Variants in PROSER2 observed in about 807,000 individuals in gnomAD.
The protein encoded by PROSER2 is proline and serine rich 2, also known as proline and serine-rich protein 2.
Under a neutral mutation model 14.6 loss-of-function variants are expected in PROSER2, and 18 were observed. That is an observed-to-expected ratio of 1.23 (90% CI 0.85 to 1.83). The LOEUF is 1.83. PROSER2 is among the 40% of genes most tolerant of loss of function. PROSER2 has a pLI of 0.00. For synonymous variants in PROSER2, 367 were observed against 286.4 expected, an observed-to-expected ratio of 1.28 and a Z score of -2.84; for missense variants, 823 against 629.8, an observed-to-expected ratio of 1.31 and a Z score of -3.28.
rs1355834832 is a variant in PROSER2 at position 11,856,749 on chromosome 10, C to T, written c.138+4534C>T. 3.3e-5 allele frequency among the ~76,000 whole-genome samples: 5 copies of T among 152,238 alleles called. No individual in the cohort carries two copies. In the East Asian group the frequency reaches 7.7e-4, roughly 23 times the overall value. On this transcript the variant is annotated intron_variant, in intron 2 of 3. Transcript: ENST00000277570. The surrounding 1 kb of genome is among the most constrained non-coding windows in gnomAD (Gnocchi z 5.3). ...CACCCTGTTGCTCCAGAGCACTTGA[C>T]ACCTTTGGCCCCACACATGGCTCAT... is the stretch of plus-strand genomic sequence containing the variant.
chr10:11,840,022 A>G (rs962804252), intron 1 of PROSER2, among the ~76,000 whole-genome samples: 1 of 151,194 alleles, frequency 6.6e-6, no homozygotes, highest in African/African-American at 2.4e-5. Flanking sequence ...CCATGATCTC[A>G]GCTCACTGCA....
intron 2 of PROSER2, among the ~76,000 whole-genome samples, chr10:11,858,047 G>C (rs565976892): frequency 6.6e-6 from 1 of 152,120 alleles, no homozygotes; most frequent in Non-Finnish European, 1.5e-5. Flanking sequence ...CAATTCTCCT[G>C]CTTTAGCCTC....
intron 1 of PROSER2, among the ~76,000 whole-genome samples, chr10:11,848,905 C>T (rs929075007): frequency 6.6e-6 from 1 of 152,000 alleles, no homozygotes; most frequent in Non-Finnish European, 1.5e-5. Context: ...GTTTGTTTAA[C>T]AAGCCAGGTG....
In PROSER2 at chr10:11,852,160, G is replaced by A. The variant is rs1357401643; in HGVS notation, c.83G>A (p.Arg28Lys). 4 of 1,613,426 alleles carry A rather than the reference G, an allele frequency of 2.5e-6. No individual in the cohort carries two copies. In the East Asian group the frequency reaches 8.9e-5, roughly 36 times the overall value. ...SPSCRLRAFS[R>K]GGSLESRSSS... ...AGCTGCAGGCTCCGAGCCTTCAGCA[G>A]AGGCGGCAGCCTGGAGAGTCGAAGC... Residue 28 changes from arginine to lysine, a missense_variant, in exon 2 of 4, where the codon AGA (arginine) becomes AAA (lysine). By Grantham distance (26) the Arg-to-Lys change is conservative. Transcript: ENST00000277570.
chr10:11,851,797 A>T (rs561142930), intron 1 of PROSER2, 200 bp from the exon 2 acceptor site: 30 of 261,272 alleles, frequency 1.1e-4, no homozygotes, highest in Non-Finnish European at 2.9e-5. Flanking sequence ...AATTATTCTT[A>T]TGTGTTCAGA....
chr10:11,856,100 C>T lies in PROSER2; in HGVS notation c.138+3885C>T, dbSNP rs1004230388. ...GGGCAGCTTTGATGTGTGTGCAAGG[C>T]GGTGCTTCCTGACAACGTCGGGAGT... is the stretch of plus-strand genomic sequence containing the variant. On this transcript the variant is annotated intron_variant, in intron 2 of 3. Coordinates refer to ENST00000277570, the MANE Select transcript of PROSER2 (RefSeq NM_153256.4). The surrounding 1 kb of genome is among the most constrained non-coding windows in gnomAD (Gnocchi z 5.3). Among the ~76,000 whole-genome samples, 6 of 152,186 alleles carry T rather than the reference C, an allele frequency of 3.9e-5. No homozygotes were observed. The highest frequency in any genetic ancestry group is 5.9e-5 in the Non-Finnish European group (4 of 68,034).
chr10:11,833,573 C>T (rs1239178003), intron 1 of PROSER2, among the ~76,000 whole-genome samples: 1 of 151,820 alleles, frequency 6.6e-6, no homozygotes, highest in East Asian at 1.9e-4. Context: ...TGCCTGTAGT[C>T]CCAGTTACCC....
intron 2 of PROSER2, among the ~76,000 whole-genome samples, chr10:11,860,225 C>G (rs1315177488): frequency 6.6e-6 from 1 of 152,244 alleles, no homozygotes; most frequent in Non-Finnish European, 1.5e-5. Flanking sequence ...CCAGCACTCA[C>G]TCCAGCCCCA....
chr10:11,864,780 G>T (rs1834312747), intron 2 of PROSER2, among the ~76,000 whole-genome samples: 1 of 151,958 alleles, frequency 6.6e-6, no homozygotes, highest in African/African-American at 2.4e-5. Flanking sequence ...GTAGAGACAG[G>T]ATTTTACCAT....
At chr10:11,848,648 A>T (rs1833963031) in intron 1 of PROSER2, among the ~76,000 whole-genome samples, 1 of 151,930 alleles carries the variant, frequency 6.6e-6, no homozygotes, top group African/African-American at 2.4e-5. Flanking sequence ...GTGCCCCCCT[A>T]CCTGTCGGCA....
rs148321742 is a variant in PROSER2, at chr10:11,848,503, A to T, written c.-81-3494A>T. ...GTTCTTTCCCTTGCTTTTTAAGCCAAATGTGTGGTGTTCAGTTAGCCTCAC... is the reference window on the plus strand; with the variant it reads ...GTTCTTTCCCTTGCTTTTTAAGCCATATGTGTGGTGTTCAGTTAGCCTCAC... On this transcript the variant is annotated intron_variant, in intron 1 of 3. Transcript: ENST00000277570. Among the ~76,000 whole-genome samples, 281 of 152,178 alleles carry T rather than the reference A, an allele frequency of 1.8e-3. 1 individual carries two copies. Among genetic ancestry groups the T allele is most frequent in the African/African-American group, 6.6e-3 (273 of 41,528 alleles).
intron 1 of PROSER2, among the ~76,000 whole-genome samples, chr10:11,847,878 A>G (rs983861781): frequency 1.3e-5 from 2 of 152,244 alleles, no homozygotes; most frequent in Admixed American, 6.5e-5. Flanking sequence ...CAGTTTTCAC[A>G]TCTTCATCGT....
rs1298023782 is a variant in PROSER2, at chr10:11,823,630, G to A, written c.-82+160G>A. On this transcript the variant is annotated intron_variant, in intron 1 of 3. Transcript: ENST00000277570. This position sits in a 1 kb window ranked among gnomAD's most constrained non-coding sequence, Gnocchi z 6.2. ...CTCCTCGCTCTGACTAGGGGAGCCC[G>A]GCGCCGCCGCCGCAGAGGCCACCCG... 6.6e-6 allele frequency among the ~76,000 whole-genome samples: 1 copy of A among 151,948 alleles called. No homozygotes were observed. Among genetic ancestry groups the A allele is most frequent in the African/African-American group, 2.4e-5 (1 of 41,404 alleles).
intron 1 of PROSER2, among the ~76,000 whole-genome samples, chr10:11,840,976 ATATATATATATAT>A (rs1178801666): frequency 5.2e-4 from 56 of 108,586 alleles, no homozygotes; most frequent in Middle Eastern, 4.3e-3. Flanking sequence ...ATATATATAT[ATATATATATATAT>A]ATGATGGTGG....
At chr10:11,853,325 C>T (rs12416669) in intron 2 of PROSER2, among the ~76,000 whole-genome samples, 15,006 of 152,236 alleles carry the variant, frequency 0.099, 979 homozygotes, top group Non-Finnish European at 0.14. Context: ...CAGTGGCTCA[C>T]GCCTGTAATC....
chr10:11,869,659 CCTGCGCT>C lies in PROSER2; in HGVS notation c.565_571del (p.Arg189PhefsTer162), dbSNP rs1834426191. 1 of 1,601,390 alleles carries C rather than the reference CCTGCGCT, an allele frequency of 6.2e-7. No homozygotes were observed. Among genetic ancestry groups the C allele is most frequent in the African/African-American group, 1.3e-5 (1 of 74,534 alleles). ...CCCCGCCGGTGGAGCACCCCAGACT[CCTGCGCT>C]CTGTTCCCACGCCCCTCGTTATGGC... On this transcript the variant is annotated frameshift_variant, in exon 4 of 4. Transcript: ENST00000277570. LOFTEE classifies it low-confidence loss of function (END_TRUNC). This position sits in a 1 kb window ranked among gnomAD's most constrained non-coding sequence, Gnocchi z 4.4.
chr10:11,870,069 G>GC lies in PROSER2; in HGVS notation c.975dup (p.Ala326ArgfsTer2). 2.4e-6 allele frequency: 3 copies of GC among 1,261,674 alleles called. No individual in the cohort carries two copies. The highest frequency in any genetic ancestry group is 3.0e-6 in the Non-Finnish European group (3 of 1,003,694). 78.2% of individuals were successfully genotyped at this position (1,261,674 alleles called of 1,614,324 possible). ...GTGGCGCGTGGCCGGGGCCTGCCGG[G>GC]CCCCGCTGAGAGTCTCCGGGCAGGG... is the stretch of plus-strand genomic sequence containing the variant. On this transcript the variant is annotated frameshift_variant, in exon 4 of 4. Transcript: ENST00000277570. LOFTEE classifies it low-confidence loss of function (END_TRUNC).
chr10:11,866,942 C>A lies in PROSER2; in HGVS notation c.391+159C>A, dbSNP rs1486194790. Among the ~76,000 whole-genome samples, 1 of 152,056 alleles carries A rather than the reference C, an allele frequency of 6.6e-6. No individual in the cohort carries two copies. Among genetic ancestry groups the A allele is most frequent in the African/African-American group, 2.4e-5 (1 of 41,370 alleles). ...ACTCCTTGGCAGTTTCATCATCCAG[C>A]AAAGGGAAATGCCAGAGGGCCTAGA... On this transcript the variant is annotated intron_variant, in intron 3 of 3. Transcript: ENST00000277570. The surrounding 1 kb of genome is among the most constrained non-coding windows in gnomAD (Gnocchi z 6.0).
chr10:11,846,118 C>T (rs986848744), intron 1 of PROSER2, among the ~76,000 whole-genome samples: 1 of 152,120 alleles, frequency 6.6e-6, no homozygotes, highest in African/African-American at 2.4e-5. Flanking sequence ...TCCCAAGTAG[C>T]TGGGATTATA....
Sources: gnomAD v4.1 joint callset for allele counts (sites outside exome capture counted in the v4.1 genomes callset) on GRCh38, gnomAD v4.1.1 for gene constraint, Gnocchi (gnomAD v3.1) non-coding constraint, MANE v1.5 for transcripts, NCBI Gene and HGNC (gene_info 2026-07-23, HGNC 2026-07-21) for gene names.